Variants in DLG2 observed in about 807,000 individuals in gnomAD.
The protein encoded by DLG2 is discs large MAGUK scaffold protein 2.
A neutral mutation model predicts 132.5 loss-of-function variants in DLG2; 45 were observed. The observed-to-expected ratio is 0.34, with a 90% confidence interval of 0.27 to 0.44. The LOEUF (loss-of-function observed/expected upper bound fraction) is 0.44. Among genes scored for constraint, DLG2 ranks in the 20% least tolerant of loss-of-function variants. DLG2 has a pLI of 1.00. For missense variants in DLG2, 1,045 were observed against 1,196.9 expected, an observed-to-expected ratio of 0.87 and a Z score of 1.87; for synonymous variants, 424 against 419.6, an observed-to-expected ratio of 1.01 and a Z score of -0.13.
intron 21 of DLG2, among the ~76,000 whole-genome samples, chr11:83,514,791 G>C (rs1222074547): frequency 6.6e-6 from 1 of 152,160 alleles, no homozygotes; most frequent in Non-Finnish European, 1.5e-5. Context: ...AGACAATCAT[G>C]TGGTTTTTGT....
At chr11:85,401,547 T>C (rs1283474825) in intron 3 of DLG2, among the ~76,000 whole-genome samples, 5 of 152,206 alleles carry the variant, frequency 3.3e-5, no homozygotes, top group African/African-American at 1.2e-4. Flanking sequence ...GGAAGTCAAA[T>C]TGTCTCTGTT....
At chr11:85,365,027 A>G (rs1326771950) in intron 3 of DLG2, among the ~76,000 whole-genome samples, 1 of 152,114 alleles carries the variant, frequency 6.6e-6, no homozygotes, top group Non-Finnish European at 1.5e-5. Context: ...CTCACCCTAC[A>G]GACAAAAATG....
intron 11 of DLG2, among the ~76,000 whole-genome samples, chr11:84,006,277 A>G (rs1361550670): frequency 6.6e-6 from 1 of 151,738 alleles, no homozygotes; most frequent in Admixed American, 6.6e-5. Context: ...AAAAGTTGGC[A>G]GATACTAGAA....
chr11:84,921,953 C>G (rs1430172394), intron 6 of DLG2, among the ~76,000 whole-genome samples: 1 of 152,010 alleles, frequency 6.6e-6, no homozygotes, highest in Non-Finnish European at 1.5e-5. Flanking sequence ...GCAAAATGAT[C>G]CACAGAATGC....
At chr11:84,450,865 G>C (rs2099049585) in intron 7 of DLG2, among the ~76,000 whole-genome samples, 1 of 150,380 alleles carries the variant, frequency 6.6e-6, no homozygotes, top group Non-Finnish European at 1.5e-5. Flanking sequence ...CATGCCTGGT[G>C]CATAATAAGT....
intron 3 of DLG2, among the ~76,000 whole-genome samples, chr11:85,318,314 T>C (rs539708726): frequency 5.3e-5 from 8 of 151,928 alleles, no homozygotes; most frequent in South Asian, 2.1e-4. Flanking sequence ...CAAATCCTTC[T>C]CCAGAAATTG....
chr11:84,833,574 C>A (rs1599216500), intron 6 of DLG2, among the ~76,000 whole-genome samples: 1 of 150,986 alleles, frequency 6.6e-6, no homozygotes, highest in African/African-American at 2.4e-5. Flanking sequence ...CTGAGCCCCA[C>A]TTTTATCACA....
At chr11:84,490,992 G>C (rs964338379) in intron 7 of DLG2, among the ~76,000 whole-genome samples, 3 of 152,044 alleles carry the variant, frequency 2.0e-5, no homozygotes, top group Admixed American at 2.0e-4. Flanking sequence ...TGAGGATAAA[G>C]AGGTTAAGAC....
intron 8 of DLG2, among the ~76,000 whole-genome samples, chr11:84,175,979 T>A (rs1325677507): frequency 6.6e-6 from 1 of 152,126 alleles, no homozygotes; most frequent in Non-Finnish European, 1.5e-5. Flanking sequence ...TTAAAGTTGT[T>A]TATATCTAAC....
chr11:84,036,813 T>C (rs544541242), intron 11 of DLG2, among the ~76,000 whole-genome samples: 1 of 152,128 alleles, frequency 6.6e-6, no homozygotes, highest in Non-Finnish European at 1.5e-5. Context: ...CTTCTGTGAA[T>C]GAATACAGAC....
In DLG2 at chr11:85,148,549, G is replaced by A. The variant is rs140666102; in HGVS notation, c.282+6007C>T. ...TATGTTTGTTGGCTGCATAAATGTCGTATTTTGGGAAGTGTCTGTTCATGT... is the reference window on the plus strand; with the variant it reads ...TATGTTTGTTGGCTGCATAAATGTCATATTTTGGGAAGTGTCTGTTCATGT... On this transcript the variant is annotated intron_variant, in intron 5 of 27. Transcript: ENST00000376104. Among the ~76,000 whole-genome samples the A allele has an allele frequency of 2.0e-3, 301 of 152,228 alleles. 1 individual carries two copies. The highest frequency in any genetic ancestry group is 6.8e-3 in the African/African-American group (283 of 41,564).
At chr11:84,301,362 T>C in intron 7 of DLG2, among the ~76,000 whole-genome samples, 1 of 152,172 alleles carries the variant, frequency 6.6e-6, no homozygotes, top group Middle Eastern at 3.4e-3. Context: ...TGGCGATCAT[T>C]AAAGTCAGGA....
At chr11:83,509,636 G>C (rs576452775) in intron 21 of DLG2, among the ~76,000 whole-genome samples, 9 of 152,184 alleles carry the variant, frequency 5.9e-5, no homozygotes, top group African/African-American at 2.2e-4. Flanking sequence ...CGCATTTCAA[G>C]ACTGAATCAA....
At chr11:85,497,673 C>G (rs2093698771) in intron 3 of DLG2, among the ~76,000 whole-genome samples, 1 of 151,920 alleles carries the variant, frequency 6.6e-6, no homozygotes, top group South Asian at 2.1e-4. Context: ...TAAGGGTAAC[C>G]AGAGAGAAAG....
At chr11:84,070,116 T>C (rs2096734632) in intron 10 of DLG2, among the ~76,000 whole-genome samples, 1 of 152,202 alleles carries the variant, frequency 6.6e-6, no homozygotes, top group Non-Finnish European at 1.5e-5. Flanking sequence ...CCCCTCTAAA[T>C]TCAAGAGATT....
chr11:83,516,467 A>T (rs891759039), intron 21 of DLG2, among the ~76,000 whole-genome samples: 2 of 152,106 alleles, frequency 1.3e-5, no homozygotes, highest in Admixed American at 6.6e-5. Context: ...GTGGGTCTTG[A>T]CTGTTTATCC....
At chr11:85,450,873 C>A (rs969303320) in intron 3 of DLG2, among the ~76,000 whole-genome samples, 3 of 152,034 alleles carry the variant, frequency 2.0e-5, no homozygotes, top group African/African-American at 7.2e-5. Context: ...TAGCTTTTTT[C>A]TGCCTCCTTT....
intron 6 of DLG2, among the ~76,000 whole-genome samples, chr11:84,560,769 G>C (rs559390997): frequency 6.6e-6 from 1 of 152,210 alleles, no homozygotes; most frequent in Non-Finnish European, 1.5e-5. Flanking sequence ...GTATGCTGAA[G>C]ATGGAGTAGG....
intron 3 of DLG2, among the ~76,000 whole-genome samples, chr11:85,598,453 C>T (rs543677893): frequency 1.3e-5 from 2 of 151,898 alleles, no homozygotes; most frequent in Non-Finnish European, 2.9e-5. Flanking sequence ...TTTATATTTT[C>T]AAACAATTCC....
Sources: gnomAD v4.1 joint callset for allele counts (sites outside exome capture counted in the v4.1 genomes callset) on GRCh38, gnomAD v4.1.1 for gene constraint, MANE v1.5 for transcripts, NCBI Gene and HGNC (gene_info 2026-07-23, HGNC 2026-07-21) for gene names.